CDH20: variants seen among roughly 807,000 people sequenced by gnomAD.
CDH20 encodes cadherin-20.
A neutral mutation model predicts 74.2 loss-of-function variants in CDH20; 29 were observed. That is an observed-to-expected ratio of 0.39 (90% confidence interval 0.29 to 0.53). The LOEUF is 0.53. Among genes scored for constraint, CDH20 ranks in the 20% least tolerant of loss-of-function variants. The pLI is 0.69. For synonymous variants in CDH20, 469 were observed against 405.4 expected, an observed-to-expected ratio of 1.16 and a Z score of -1.88; for missense variants, 988 against 1,048.3, an observed-to-expected ratio of 0.94 and a Z score of 0.79.
intron 1 of CDH20, among the ~76,000 whole-genome samples, chr18:61,429,104 G>C (rs1444472500): frequency 6.6e-6 from 1 of 152,140 alleles, no homozygotes; most frequent in African/African-American, 2.4e-5. Flanking sequence ...TCGAATTTCT[G>C]AGAGGTGTGG....
chr18:61,470,307 T>G (rs1032012597), intron 1 of CDH20, among the ~76,000 whole-genome samples: 1 of 152,234 alleles, frequency 6.6e-6, no homozygotes, highest in African/African-American at 2.4e-5. Flanking sequence ...GTATCCAATC[T>G]ATTTCTACGC....
At chr18:61,487,624 T>C (rs1910812198) in intron 1 of CDH20, among the ~76,000 whole-genome samples, 2 of 152,282 alleles carry the variant, frequency 1.3e-5, no homozygotes. Flanking sequence ...AAAGTCACCT[T>C]TGTACGTGTT....
intron 1 of CDH20, among the ~76,000 whole-genome samples, chr18:61,343,835 A>G (rs1455668234): frequency 1.3e-5 from 2 of 152,204 alleles, no homozygotes; most frequent in Non-Finnish European, 2.9e-5. Context: ...AGTGGGAAGC[A>G]TATTTTATCC....
chr18:61,549,844 T>C lies in CDH20; in HGVS notation c.1649-134T>C. The C allele has an allele frequency of 1.2e-5, 11 of 936,898 alleles. No individual in the cohort carries two copies. The South Asian group carries it at 1.4e-4, about 12-fold the overall frequency. 58.0% of individuals were successfully genotyped at this position (936,898 alleles called of 1,614,324 possible). The stretch of plus-strand genomic sequence containing the variant: ...AATGCTGATCCAGGCAAACCCGCCA[T>C]GGTTGACCACTACCAGGGAATATCT... On this transcript the variant is annotated intron_variant, in intron 10 of 11. Coordinates refer to ENST00000262717, the MANE Select transcript of CDH20 (RefSeq NM_031891.4).
chr18:61,345,604 G>A (rs1473466417), intron 1 of CDH20, among the ~76,000 whole-genome samples: 2 of 152,162 alleles, frequency 1.3e-5, no homozygotes, highest in African/African-American at 4.8e-5. Flanking sequence ...AATTTGTGAA[G>A]TGGAATGGAG....
chr18:61,535,409 G>A (rs1912788140), intron 7 of CDH20, among the ~76,000 whole-genome samples: 1 of 152,144 alleles, frequency 6.6e-6, no homozygotes, highest in South Asian at 2.1e-4. Context: ...TCTCAATCAT[G>A]GCTACATATC....
chr18:61,359,430 G>A (rs535989190), intron 1 of CDH20, among the ~76,000 whole-genome samples: 5 of 151,668 alleles, frequency 3.3e-5, no homozygotes, highest in East Asian at 3.9e-4. Context: ...AAAGAAACCC[G>A]CAAAGCTTAG....
intron 1 of CDH20, among the ~76,000 whole-genome samples, chr18:61,363,316 A>T (rs1910760139): frequency 1.3e-5 from 2 of 151,770 alleles, no homozygotes; most frequent in Non-Finnish European, 2.9e-5. Context: ...AGATCTCTTT[A>T]TTGAGCTGTG....
In CDH20 at chr18:61,527,366, A is replaced by ATAGATAG. The variant is rs1555683341; in HGVS notation, c.1018-601_1018-600insTAGATAG. Among the ~76,000 whole-genome samples, 1,258 of 142,138 alleles carry ATAGATAG rather than the reference A, an allele frequency of 8.9e-3. 25 individuals carry two copies. The highest frequency in any genetic ancestry group is 0.029 in the African/African-American group (1,133 of 38,888). 93.2% of individuals were successfully genotyped at this position (142,138 alleles called of 152,430 possible). On this transcript the variant is annotated intron_variant, in intron 6 of 11. Coordinates refer to ENST00000262717, the MANE Select transcript of CDH20 (RefSeq NM_031891.4). ...TAGGCCTCAGTTGCATGAATATTCT[A>ATAGATAG]ATAGATAGATAGATAGATAGATAGA...
chr18:61,449,795 T>C (rs1273699089), intron 1 of CDH20, among the ~76,000 whole-genome samples: 5 of 151,874 alleles, frequency 3.3e-5, no homozygotes, highest in Admixed American at 6.6e-5. Flanking sequence ...CACATACATA[T>C]GCACACTGGA....
chr18:61,366,979 T>A (rs1478468143), intron 1 of CDH20, among the ~76,000 whole-genome samples: 1 of 152,200 alleles, frequency 6.6e-6, no homozygotes, highest in Non-Finnish European at 1.5e-5. Flanking sequence ...CTAATTCTTA[T>A]GTCCATCTGT....
intron 1 of CDH20, among the ~76,000 whole-genome samples, chr18:61,462,790 A>T (rs1909829825): frequency 6.6e-6 from 1 of 151,678 alleles, no homozygotes; most frequent in Non-Finnish European, 1.5e-5. Flanking sequence ...ATAACTCAAG[A>T]TCCTTGAAGT....
intron 1 of CDH20, among the ~76,000 whole-genome samples, chr18:61,347,771 G>A (rs1281856129): frequency 6.6e-6 from 1 of 152,088 alleles, no homozygotes; most frequent in African/African-American, 2.4e-5. Context: ...GGATAATCTA[G>A]AGTTTCCTCA....
intron 7 of CDH20, among the ~76,000 whole-genome samples, chr18:61,528,533 GTGT>G (rs1912531693): frequency 6.6e-6 from 1 of 151,550 alleles, no homozygotes; most frequent in African/African-American, 2.4e-5. Flanking sequence ...GGGTAATTCT[GTGT>G]TGTTGTGGAG....
At chr18:61,491,236 T>TAAAGTA (rs3078185) in intron 2 of CDH20, among the ~76,000 whole-genome samples, 1 of 152,146 alleles carries the variant, frequency 6.6e-6, no homozygotes, top group African/African-American at 2.4e-5. Context: ...ATGAAAAAAA[T>TAAAGTA]AAACATTTTT....
chr18:61,531,890 G>A (rs1270484741), intron 7 of CDH20, among the ~76,000 whole-genome samples: 1 of 152,190 alleles, frequency 6.6e-6, no homozygotes, highest in Non-Finnish European at 1.5e-5. Context: ...ACGATTGTAA[G>A]TGTGCTGAGG....
At chr18:61,365,707 A>G (rs1363237154) in intron 1 of CDH20, among the ~76,000 whole-genome samples, 1 of 152,152 alleles carries the variant, frequency 6.6e-6, no homozygotes, top group Non-Finnish European at 1.5e-5. Flanking sequence ...CTGTAGTTCT[A>G]GTAGGTTTAC....
At chr18:61,483,602 CTAT>C (rs1181237852) in intron 1 of CDH20, among the ~76,000 whole-genome samples, 1 of 152,122 alleles carries the variant, frequency 6.6e-6, no homozygotes, top group Non-Finnish European at 1.5e-5. Context: ...ATGCCTATTC[CTAT>C]TATTATTTCT....
At chr18:61,426,960 C>A (rs1203597199) in intron 1 of CDH20, among the ~76,000 whole-genome samples, 1 of 152,014 alleles carries the variant, frequency 6.6e-6, no homozygotes, top group Non-Finnish European at 1.5e-5. Flanking sequence ...ACTGAGACTG[C>A]AATGACCGAA....
Sources: gnomAD v4.1 joint callset for allele counts (sites outside exome capture counted in the v4.1 genomes callset) on GRCh38, gnomAD v4.1.1 for gene constraint, MANE v1.5 for transcripts, NCBI Gene and HGNC (gene_info 2026-07-23, HGNC 2026-07-21) for gene names.